The following ADAMTS12 variants were observed in gnomAD, a reference collection of about 807,000 sequenced individuals.
ADAMTS12 encodes ADAM metallopeptidase with thrombospondin type 1 motif 12, also known as A disintegrin and metalloproteinase with thrombospondin motifs 12.
In ADAMTS12, 118 loss-of-function variants were observed where a neutral mutation model predicts 167.8. That is an observed-to-expected ratio of 0.70 (90% CI 0.61 to 0.82). The LOEUF is 0.82. ADAMTS12 is among the 40% of genes least tolerant of loss of function. The pLI is 0.00. For synonymous variants in ADAMTS12, 704 were observed against 716.9 expected (o/e 0.98, Z 0.29); for missense variants, 1,916 against 1,998.8 (o/e 0.96, Z 0.79).
intron 5 of ADAMTS12, among the ~76,000 whole-genome samples, chr5:33,666,614 T>G (rs1436085114): frequency 6.6e-6 from 1 of 152,024 alleles, no homozygotes; most frequent in Non-Finnish European, 1.5e-5. Flanking sequence ...TGCCTCAGCC[T>G]CCCTAGTAGC....
At position 33,822,612 on chromosome 5, in the gene ADAMTS12, C is replaced by T. The variant is rs938159667; in HGVS notation, c.489+58507G>A. ...CAAAATTTAAAAGAATCCTCAAATC[C>T]ATGTGCACATATATATTTTCTTGGT... On this transcript the variant is annotated intron_variant, in intron 2 of 23. Transcript: ENST00000504830. Among the ~76,000 whole-genome samples, 12 of 152,198 alleles carry T rather than the reference C, an allele frequency of 7.9e-5. 1 individual carries two copies. Among genetic ancestry groups the T allele is most frequent in the East Asian group, 1.9e-4 (1 of 5,188 alleles).
intron 2 of ADAMTS12, among the ~76,000 whole-genome samples, chr5:33,793,967 A>T (rs1358255017): frequency 6.6e-6 from 1 of 152,102 alleles, no homozygotes; most frequent in East Asian, 1.9e-4. Context: ...AAATTGTTAC[A>T]AAGTTCAGCT....
chr5:33,666,430 C>T (rs973583091), intron 5 of ADAMTS12, among the ~76,000 whole-genome samples: 3 of 152,222 alleles, frequency 2.0e-5, no homozygotes, highest in Non-Finnish European at 4.4e-5. Flanking sequence ...AGGAACAAAT[C>T]TCTGGGGTGG....
chr5:33,737,098 T>C (rs182004171), intron 3 of ADAMTS12, among the ~76,000 whole-genome samples: 4 of 152,312 alleles, frequency 2.6e-5, no homozygotes, highest in African/African-American at 4.8e-5. Flanking sequence ...AAACATCCCA[T>C]GCAAGTACCT....
chr5:33,553,102 T>C (rs571840283), intron 20 of ADAMTS12, among the ~76,000 whole-genome samples: 1 of 151,806 alleles, frequency 6.6e-6, no homozygotes, highest in Admixed American at 6.6e-5. Flanking sequence ...CGGTCAACAA[T>C]CACATGAAAA....
Position 33,790,315 on chromosome 5 carries a change from G to A in ADAMTS12, c.490-38767C>T, listed in dbSNP as rs139336697. Among the ~76,000 whole-genome samples the A allele has an allele frequency of 4.8e-3, 732 of 152,186 alleles. 4 individuals carry two copies. Among genetic ancestry groups the A allele is most frequent in the African/African-American group, 0.017 (694 of 41,524 alleles). ...CACGCCTGTAATCCCAGCACTTTGG[G>A]AGGCCAAGGTGGATGGAACACAAGG... On this transcript the variant is annotated intron_variant, in intron 2 of 23. Transcript: ENST00000504830.
Position 33,713,254 on chromosome 5 carries a change from T to C in ADAMTS12, c.635-29199A>G, listed in dbSNP as rs143859157. On this transcript the variant is annotated intron_variant, in intron 3 of 23. Coordinates refer to ENST00000504830, the MANE Select transcript of ADAMTS12 (RefSeq NM_030955.4). Reference sequence around the variant, plus strand: ...CATTGTTTTATCAAGATTTTTTGTATGTAGATATGCCCAGTCAGCAATAGC... The same window carrying C: ...CATTGTTTTATCAAGATTTTTTGTACGTAGATATGCCCAGTCAGCAATAGC... Among the ~76,000 whole-genome samples the C allele has an allele frequency of 2.5e-3, 377 of 152,314 alleles. 3 individuals are homozygous for C. The highest frequency in any genetic ancestry group is 8.5e-3 in the African/African-American group (355 of 41,588).
intron 3 of ADAMTS12, among the ~76,000 whole-genome samples, chr5:33,707,369 C>T (rs1743239433): frequency 6.6e-6 from 1 of 152,122 alleles, no homozygotes; most frequent in Non-Finnish European, 1.5e-5. Context: ...TAAAAATGGC[C>T]ATACTGCCCA....
At chr5:33,666,183 T>C (rs1446811364) in intron 5 of ADAMTS12, among the ~76,000 whole-genome samples, 1 of 152,228 alleles carries the variant, frequency 6.6e-6, no homozygotes, top group Admixed American at 6.5e-5. Flanking sequence ...TTCTTTAAGA[T>C]GCCAAGAACT....
At chr5:33,674,284 G>A (rs1741823105) in intron 5 of ADAMTS12, among the ~76,000 whole-genome samples, 1 of 152,206 alleles carries the variant, frequency 6.6e-6, no homozygotes. Context: ...GGGCAGTAAA[G>A]AGGCCAGAAG....
rs988839790 is a variant in ADAMTS12 at position 33,607,173 on chromosome 5, A to G, written c.2527+7065T>C. On this transcript the variant is annotated intron_variant, in intron 16 of 23. Transcript: ENST00000504830. Reference sequence around the variant, plus strand: ...CAGCAGAAAGGCATACATATCTCTTATTGTCTATTGGGATCTATTCCATTC... The same window carrying G: ...CAGCAGAAAGGCATACATATCTCTTGTTGTCTATTGGGATCTATTCCATTC... 3.9e-5 allele frequency among the ~76,000 whole-genome samples: 6 copies of G among 152,190 alleles called. No individual in the cohort carries two copies. In the East Asian group the frequency reaches 5.8e-4, roughly 15 times the overall value.
intron 3 of ADAMTS12, among the ~76,000 whole-genome samples, chr5:33,709,381 C>A (rs1157821563): frequency 3.3e-5 from 5 of 152,182 alleles, no homozygotes; most frequent in Non-Finnish European, 7.3e-5. Context: ...ATAAATCATT[C>A]TATTATAAAG....
At chr5:33,800,311 C>T (rs914253670) in intron 2 of ADAMTS12, among the ~76,000 whole-genome samples, 1 of 152,080 alleles carries the variant, frequency 6.6e-6, no homozygotes, top group Non-Finnish European at 1.5e-5. Flanking sequence ...TGCCCAAAGA[C>T]CTTAGTCTAG....
intron 1 of ADAMTS12, among the ~76,000 whole-genome samples, chr5:33,887,358 C>T (rs750886222): frequency 5.3e-5 from 8 of 152,062 alleles, no homozygotes; most frequent in Non-Finnish European, 8.8e-5. Context: ...CCTGGGCAAT[C>T]GGATCCCAGA....
intron 5 of ADAMTS12, among the ~76,000 whole-genome samples, chr5:33,672,082 TAC>T (rs1306907008): frequency 4.5e-4 from 5 of 11,014 alleles, no homozygotes; most frequent in African/African-American, 5.6e-4. Flanking sequence ...CCCACATACA[TAC>T]ACACACATCC....
At chr5:33,790,984 G>A (rs1746543865) in intron 2 of ADAMTS12, among the ~76,000 whole-genome samples, 2 of 152,020 alleles carry the variant, frequency 1.3e-5, no homozygotes, top group Middle Eastern at 6.8e-3. Flanking sequence ...GGGTTGCATG[G>A]TGATTCCCAG....
At chr5:33,700,318 C>T (rs1041097921) in intron 3 of ADAMTS12, among the ~76,000 whole-genome samples, 1 of 152,164 alleles carries the variant, frequency 6.6e-6, no homozygotes, top group East Asian at 1.9e-4. Context: ...AGGATACATT[C>T]GTACTGTGGA....
intron 3 of ADAMTS12, among the ~76,000 whole-genome samples, chr5:33,720,117 T>C (rs1743755049): frequency 6.6e-6 from 1 of 152,078 alleles, no homozygotes; most frequent in Admixed American, 6.6e-5. Context: ...ACATCCATGA[T>C]TGAAGCTATC....
intron 1 of ADAMTS12, among the ~76,000 whole-genome samples, chr5:33,889,308 A>C (rs1225747448): frequency 6.6e-6 from 1 of 152,158 alleles, no homozygotes; most frequent in Admixed American, 6.5e-5. Flanking sequence ...TAAATATTTC[A>C]AAAATAAGAA....
Sources: gnomAD v4.1 joint callset for allele counts (sites outside exome capture counted in the v4.1 genomes callset) on GRCh38, gnomAD v4.1.1 for gene constraint, MANE v1.5 for transcripts, NCBI Gene and HGNC (gene_info 2026-07-23, HGNC 2026-07-21) for gene names.